Variants in DDHD1 observed in about 807,000 individuals in gnomAD.
DDHD1 encodes DDHD domain containing 1, also known as phospholipase DDHD1.
Under a neutral mutation model 96.4 loss-of-function variants are expected in DDHD1, and 49 were observed. The ratio of observed to expected loss-of-function variants is 0.51; its 90% CI spans 0.40 to 0.64. The LOEUF (loss-of-function observed/expected upper bound fraction) is 0.64. Ranked by LOEUF, DDHD1 falls within the 30% of genes least tolerant of loss-of-function variation. The pLI is 0.00. For missense variants in DDHD1, 1,106 were observed against 1,161.2 expected (o/e 0.95, Z 0.69); for synonymous variants, 442 against 446.5 (o/e 0.99, Z 0.13).
chr14:53,095,664 TAA>T (rs1340361272), intron 2 of DDHD1, among the ~76,000 whole-genome samples: 1 of 152,156 alleles, frequency 6.6e-6, no homozygotes, highest in East Asian at 1.9e-4. Context: ...GCTTTTTAAA[TAA>T]AAGAGCTTTT....
intron 8 of DDHD1, 67 bp from the exon 9 acceptor site, chr14:53,058,693 A>G: frequency 7.1e-7 from 1 of 1,410,106 alleles, no homozygotes; most frequent in Non-Finnish European, 9.7e-7. Context: ...AAATTTGGGC[A>G]TAACGTAATA....
intron 6 of DDHD1, among the ~76,000 whole-genome samples, chr14:53,064,731 G>C (rs1402757863): frequency 6.6e-6 from 1 of 152,042 alleles, no homozygotes; most frequent in African/African-American, 2.4e-5. Flanking sequence ...AGCATATCTG[G>C]ATTTGACAGC....
intron 1 of DDHD1, among the ~76,000 whole-genome samples, chr14:53,127,903 C>T (rs547410856): frequency 1.0e-3 from 158 of 152,296 alleles, no homozygotes; most frequent in African/African-American, 3.5e-3. Flanking sequence ...ATGGTTTGGC[C>T]ATGTCCCCAC....
intron 4 of DDHD1, among the ~76,000 whole-genome samples, chr14:53,075,126 G>A (rs144874123): frequency 1.7e-4 from 26 of 152,222 alleles, no homozygotes; most frequent in African/African-American, 5.5e-4. Context: ...AGGTGATCAA[G>A]TGAAAAGAAG....
At chr14:53,127,436 G>T (rs1477780182) in intron 1 of DDHD1, among the ~76,000 whole-genome samples, 1 of 152,148 alleles carries the variant, frequency 6.6e-6, no homozygotes, top group Non-Finnish European at 1.5e-5. Context: ...TTACAATGGG[G>T]ATTAATAAAA....
At chr14:53,108,029 C>G (rs1003668996) in intron 1 of DDHD1, among the ~76,000 whole-genome samples, 1 of 152,206 alleles carries the variant, frequency 6.6e-6, no homozygotes, top group African/African-American at 2.4e-5. Context: ...GGTCCCCTCC[C>G]TTTGTATGGG....
chr14:53,047,715 C>T (rs1407170173), intron 12 of DDHD1, among the ~76,000 whole-genome samples: 1 of 152,114 alleles, frequency 6.6e-6, no homozygotes, highest in South Asian at 2.1e-4. Flanking sequence ...TTCTAAAGCC[C>T]ACAGAAAGTC....
chr14:53,062,837 G>T, intron 7 of DDHD1, 106 bp downstream of exon 7: 1 of 1,205,544 alleles, frequency 8.3e-7, no homozygotes, highest in South Asian at 1.6e-5. Flanking sequence ...TTTGTATCTT[G>T]AACAATGCAT....
At chr14:53,090,588 G>C (rs553551236) in intron 4 of DDHD1, among the ~76,000 whole-genome samples, 1 of 152,052 alleles carries the variant, frequency 6.6e-6, no homozygotes, top group Non-Finnish European at 1.5e-5. Context: ...CATGGATGTC[G>C]CTGGAAACCA....
At chr14:53,122,845 G>A (rs1392207727) in intron 1 of DDHD1, among the ~76,000 whole-genome samples, 1 of 151,926 alleles carries the variant, frequency 6.6e-6, no homozygotes, top group Non-Finnish European at 1.5e-5. Context: ...GGGATTACAG[G>A]CGTGAGCCAC....
chr14:53,149,218 T>C (rs901177765), intron 1 of DDHD1, among the ~76,000 whole-genome samples: 10 of 152,238 alleles, frequency 6.6e-5, no homozygotes, highest in Admixed American at 2.0e-4. Context: ...ATCTTTCTTT[T>C]AGAATAGGTA....
intron 1 of DDHD1, among the ~76,000 whole-genome samples, chr14:53,120,810 A>G (rs772489372): frequency 7.2e-5 from 11 of 152,262 alleles, no homozygotes; most frequent in African/African-American, 1.9e-4. Context: ...AAAATGGAGT[A>G]AAGACTTCAA....
chr14:53,147,299 T>C (rs1448656812), intron 1 of DDHD1, among the ~76,000 whole-genome samples: 1 of 151,962 alleles, frequency 6.6e-6, no homozygotes, highest in Admixed American at 6.6e-5. Flanking sequence ...CAAAATACAA[T>C]TCAGAAGAGA....
chr14:53,054,822 T>C (rs1882901734), intron 10 of DDHD1, among the ~76,000 whole-genome samples, 193 bp from the exon 11 acceptor site: 1 of 152,190 alleles, frequency 6.6e-6, no homozygotes, highest in Admixed American at 6.5e-5. Flanking sequence ...ATGAGAGTTG[T>C]ATAAGCTCTA....
chr14:53,060,775 C>T (rs1024715155), intron 8 of DDHD1, among the ~76,000 whole-genome samples: 2 of 152,166 alleles, frequency 1.3e-5, no homozygotes, highest in Non-Finnish European at 2.9e-5. Context: ...TAGCATCTCT[C>T]CTTTCTTTCA....
At chr14:53,142,091 C>G (rs1890679175) in intron 1 of DDHD1, among the ~76,000 whole-genome samples, 1 of 152,116 alleles carries the variant, frequency 6.6e-6, no homozygotes, top group Non-Finnish European at 1.5e-5. Flanking sequence ...CTCTTGGAAG[C>G]AGGAATGATC....
chr14:53,105,959 T>TGTGGTGGTG lies in DDHD1; in HGVS notation c.839-2112_839-2104dup, dbSNP rs879434839. Among the ~76,000 whole-genome samples, 99 of 151,672 alleles carry TGTGGTGGTG rather than the reference T, an allele frequency of 6.5e-4. 1 individual carries two copies. The East Asian group carries it at 0.014, about 22-fold the overall frequency. ...CCAGTGGTTCTCTCTCTCTCTCTCC[T>TGTGGTGGTG]GTGGTGGTGGTGGTGGTGGTGTGTG... is the stretch of plus-strand genomic sequence containing the variant. On this transcript the variant is annotated intron_variant, in intron 1 of 12. Coordinates refer to ENST00000673822, the MANE Select transcript of DDHD1 (RefSeq NM_001160148.2).
chr14:53,132,602 T>C (rs1889954833), intron 1 of DDHD1, among the ~76,000 whole-genome samples: 1 of 152,208 alleles, frequency 6.6e-6, no homozygotes, highest in South Asian at 2.1e-4. Context: ...GCGTCAATAT[T>C]TATGTTGACT....
chr14:53,069,512 C>T (rs1430386519), intron 6 of DDHD1, among the ~76,000 whole-genome samples: 1 of 152,156 alleles, frequency 6.6e-6, no homozygotes, highest in Non-Finnish European at 1.5e-5. Context: ...TGCTGTTGCA[C>T]ACTTAACAGA....
Sources: allele counts gnomAD v4.1 joint callset (sites outside exome capture counted in the v4.1 genomes callset), GRCh38; gene constraint gnomAD v4.1.1; transcripts MANE v1.5; gene names NCBI Gene and HGNC (gene_info 2026-07-23, HGNC 2026-07-21).